The following ZNF311 variants were observed in gnomAD, a reference collection of about 807,000 sequenced individuals.
The protein encoded by ZNF311 is zinc finger protein zfp31.
Under a neutral mutation model 22.7 loss-of-function variants are expected in ZNF311, and 14 were observed. That is an observed-to-expected ratio of 0.62 (90% CI 0.41 to 0.96). The LOEUF is 0.96. Ranked by LOEUF, ZNF311 falls within the 40% of genes least tolerant of loss-of-function variation. The pLI is 0.00. For synonymous variants in ZNF311, 250 were observed against 275.3 expected (o/e 0.91, Z 0.91); for missense variants, 731 against 799.0 (o/e 0.91, Z 1.03).
intron 1 of ZNF311, among the ~76,000 whole-genome samples, chr6:29,004,660 G>A (rs945805473): frequency 3.3e-5 from 5 of 151,978 alleles, no homozygotes; most frequent in Non-Finnish European, 5.9e-5. Flanking sequence ...TCCTTACCGA[G>A]GTATACAAGG....
Position 28,996,241 on chromosome 6 carries a change from T to C in ZNF311, c.761A>G (p.Lys254Arg). ...QKLHECARCG[K>R]NFSWHSDLIL... is the part of the protein sequence containing the mutation. ...TAGATCTGAGTGCCAACTGAAGTTTTTGCCACACCTGGCACATTCATGGAG... is the reference window on the plus strand; with the variant it reads ...TAGATCTGAGTGCCAACTGAAGTTTCTGCCACACCTGGCACATTCATGGAG... The change falls in exon 7 of 7, where the codon AAA (lysine) becomes AGA (arginine). Residue 254 changes from lysine to arginine, a missense_variant. Transcript: ENST00000377179. The C allele has an allele frequency of 6.2e-7, 1 of 1,613,286 alleles. No homozygotes were observed. The highest frequency in any genetic ancestry group is 8.5e-7 in the Non-Finnish European group (1 of 1,180,042).
In ZNF311 at chr6:28,996,307, G is replaced by C. The variant is rs750040086; in HGVS notation, c.695C>G (p.Ser232Ter). 2 of 1,612,900 alleles carry C rather than the reference G, an allele frequency of 1.2e-6. No individual in the cohort carries two copies. The highest frequency in any genetic ancestry group is 1.7e-6 in the Non-Finnish European group (2 of 1,180,028). Residue 232 changes from serine (S) to a stop codon, truncating the protein, a stop_gained, in exon 7 of 7, where the codon TCA becomes TGA. Coordinates refer to ENST00000377179, the MANE Select transcript of ZNF311 (RefSeq NM_001382360.1). LOFTEE classifies it low-confidence loss of function (END_TRUNC). ...AACTTTATTACATTGACTATGTTTT[G>C]AGTTTGGATTCAAGTTTTTACTAAG... is the stretch of plus-strand genomic sequence containing the variant. The part of the protein sequence containing the change: ...KVLSKNLNPN[S>*]KHSQCNKVLI...
rs769632533 is a variant in ZNF311, at chr6:28,995,757, A to G, written c.1245T>C (p.Tyr415=). The G allele has an allele frequency of 6.2e-7, 1 of 1,613,416 alleles. No individual in the cohort carries two copies. The highest frequency in any genetic ancestry group is 8.5e-7 in the Non-Finnish European group (1 of 1,179,892). The change falls in exon 7 of 7, where the codon TAT becomes TAC. Residue 415 remains tyrosine, a synonymous_variant. Transcript: ENST00000377179. This position sits in a 1 kb window ranked among gnomAD's most constrained non-coding sequence, Gnocchi z 4.7. ...AGGCCCTTCCACACTTGCTGCACTC[A>G]TAAGGTCGTTCCCCAGTGTGGATTC... ...HIRIHTGERP[Y]ECSKCGRAFS...
intron 4 of ZNF311, 70 bp downstream of exon 4, chr6:28,999,886 A>G: frequency 6.7e-7 from 1 of 1,490,556 alleles, no homozygotes; most frequent in Non-Finnish European, 9.2e-7. Context: ...CAGAGAACGC[A>G]GTGAAAACAA....
In ZNF311 at chr6:28,997,343, C is replaced by T. The variant is rs555146121; in HGVS notation, c.416-757G>A. 2.4e-4 allele frequency among the ~76,000 whole-genome samples: 36 copies of T among 152,288 alleles called. No individual in the cohort carries two copies. In the East Asian group the frequency reaches 5.8e-3, roughly 24 times the overall value. ...GAAACCTGATGGTTTTGAGTCTCTT[C>T]TAGGGCCTGACACATAGCTGCCCTT... is the stretch of plus-strand genomic sequence containing the variant. On this transcript the variant is annotated intron_variant, in intron 6 of 6. Transcript: ENST00000377179.
intron 3 of ZNF311, among the ~76,000 whole-genome samples, 160 bp from the exon 4 acceptor site, chr6:29,000,207 C>G (rs758950493): frequency 6.6e-6 from 1 of 152,188 alleles, no homozygotes; most frequent in Non-Finnish European, 1.5e-5. Flanking sequence ...TTTTTCTAGT[C>G]TCAACTTCCA....
intron 6 of ZNF311, among the ~76,000 whole-genome samples, chr6:28,997,972 C>G (rs534151359): frequency 6.6e-6 from 1 of 152,176 alleles, no homozygotes; most frequent in Admixed American, 6.5e-5. Flanking sequence ...TGATCTTGCC[C>G]CTTTCTACTA....
At chr6:28,999,870 C>T in intron 4 of ZNF311, 86 bp downstream of exon 4, 1 of 1,426,604 alleles carries the variant, frequency 7.0e-7, no homozygotes, top group Non-Finnish European at 9.7e-7. Context: ...TTAGGAGTTG[C>T]ACAGCCAGAG....
chr6:28,998,366 A>G (rs921128964), intron 6 of ZNF311, among the ~76,000 whole-genome samples: 3 of 151,878 alleles, frequency 2.0e-5, no homozygotes, highest in Admixed American at 1.3e-4. Context: ...TAATTTTTGT[A>G]TTTTTAGTAG....
intron 6 of ZNF311, among the ~76,000 whole-genome samples, chr6:28,998,028 C>T (rs1779878283): frequency 6.6e-6 from 1 of 152,168 alleles, no homozygotes; most frequent in South Asian, 2.1e-4. Flanking sequence ...GCTCTACTCA[C>T]ACTGAACAAT....
At chr6:28,996,726 G>T in intron 6 of ZNF311, 140 bp from the exon 7 acceptor site, 2 of 887,442 alleles carry the variant, frequency 2.3e-6, no homozygotes, top group Non-Finnish European at 3.3e-6. Flanking sequence ...GTCAGAACAG[G>T]CTGAAATAAT....
At position 28,999,951 on chromosome 6, in the gene ZNF311, C is replaced by T; in HGVS notation, c.183+5G>A. On this transcript the variant is annotated splice_donor_5th_base_variant and intron_variant, in intron 4 of 6. Coordinates refer to ENST00000377179, the MANE Select transcript of ZNF311 (RefSeq NM_001382360.1). The stretch of plus-strand genomic sequence containing the variant: ...TCAAGGAGGAGGAAAGGGGCCTCAG[C>T]TCACTTGGGCCTGGCTCATTAGTGT... The T allele has an allele frequency of 6.2e-7, 1 of 1,612,028 alleles. No individual in the cohort carries two copies. The highest frequency in any genetic ancestry group is 8.5e-7 in the Non-Finnish European group (1 of 1,179,286).
In ZNF311 at chr6:28,996,551, C is replaced by T. The variant is rs1310231586; in HGVS notation, c.451G>A (p.Ala151Thr). Reference sequence around the variant, plus strand: ...TCAAAAATCTCTTGTTGTGAACTTGCCTTTTCATTCTCAGGCCACATCTTG... The same window carrying T: ...TCAAAAATCTCTTGTTGTGAACTTGTCTTTTCATTCTCAGGCCACATCTTG... ...ADKMWPENEK[A>T]SSQQEIFENG... The change falls in exon 7 of 7, where the codon GCA becomes ACA. Residue 151 changes from alanine (A) to threonine (T), a missense_variant. Physicochemically the swap from Ala to Thr is moderately conservative, Grantham distance 58. Coordinates refer to ENST00000377179, the MANE Select transcript of ZNF311 (RefSeq NM_001382360.1). 1 of 1,601,818 alleles carries T rather than the reference C, an allele frequency of 6.2e-7. No homozygotes were observed. The highest frequency in any genetic ancestry group is 8.5e-7 in the Non-Finnish European group (1 of 1,179,102).
chr6:29,003,365 G>T, intron 3 of ZNF311, 148 bp downstream of exon 3: 1 of 671,302 alleles, frequency 1.5e-6, no homozygotes, highest in Non-Finnish European at 2.6e-6. Context: ...ATTGATCCAA[G>T]CCTCGTATAG....
upstream of ZNF311, among the ~76,000 whole-genome samples, chr6:29,005,571 C>G (rs919850830): frequency 1.3e-5 from 2 of 152,140 alleles, no homozygotes; most frequent in African/African-American, 4.8e-5. Flanking sequence ...CACAGACCTT[C>G]CCGCCGGTAC....
intron 6 of ZNF311, 31 bp downstream of exon 6, chr6:28,998,703 A>G: frequency 6.8e-7 from 1 of 1,462,054 alleles, no homozygotes; most frequent in Non-Finnish European, 9.5e-7. Flanking sequence ...ATGGAAGATC[A>G]GAGGGAACTG....
intron 3 of ZNF311, among the ~76,000 whole-genome samples, chr6:29,002,956 C>T (rs1780653780): frequency 6.6e-6 from 1 of 152,120 alleles, no homozygotes; most frequent in African/African-American, 2.4e-5. Flanking sequence ...AACCACTTTT[C>T]CTCCTCACAT....
chr6:28,998,193 G>T (rs1323020045), intron 6 of ZNF311, among the ~76,000 whole-genome samples: 1 of 148,876 alleles, frequency 6.7e-6, no homozygotes, highest in East Asian at 2.0e-4. Context: ...TTTTGAGGTG[G>T]AGTCTCACTG....
At chr6:28,999,279 T>C (rs1055974288) in intron 5 of ZNF311, among the ~76,000 whole-genome samples, 2 of 152,000 alleles carry the variant, frequency 1.3e-5, no homozygotes, top group Non-Finnish European at 2.9e-5. Context: ...TTTTAACTCA[T>C]TCCAAATCAG....
Sources: gnomAD v4.1 joint callset for allele counts (sites outside exome capture counted in the v4.1 genomes callset) on GRCh38, gnomAD v4.1.1 for gene constraint, Gnocchi (gnomAD v3.1) non-coding constraint, MANE v1.5 for transcripts, NCBI Gene and HGNC (gene_info 2026-07-23, HGNC 2026-07-21) for gene names.